Variants in COBL observed in about 807,000 individuals in gnomAD.
COBL encodes cordon-bleu WH2 repeat protein, also known as protein cordon-bleu.
COBL carries 51 observed loss-of-function variants against 98.8 expected under a neutral mutation model. That is an observed-to-expected ratio of 0.52 (90% CI 0.41 to 0.65). The LOEUF (loss-of-function observed/expected upper bound fraction) is 0.65, where lower values mean the gene tolerates loss of function less well. Among genes scored for constraint, COBL ranks in the 30% least tolerant of loss-of-function variants. The pLI is 0.00. For missense variants in COBL, 1,617 were observed against 1,617.5 expected (o/e 1.00, Z 0.01); for synonymous variants, 634 against 651.7 (o/e 0.97, Z 0.41).
intron 1 of COBL, among the ~76,000 whole-genome samples, chr7:51,243,918 A>T (rs1288060423): frequency 1.3e-5 from 2 of 152,176 alleles, no homozygotes; most frequent in Non-Finnish European, 1.5e-5. Context: ...CAGATGACAC[A>T]ACCACGGGGA....
chr7:51,059,087 C>T (rs1398379089), intron 7 of COBL, among the ~76,000 whole-genome samples: 1 of 152,222 alleles, frequency 6.6e-6, no homozygotes, highest in Non-Finnish European at 1.5e-5. Flanking sequence ...TGGCTTCTAC[C>T]TTGCCCCCTG....
chr7:51,246,229 G>A lies in COBL; in HGVS notation c.42-26285C>T, dbSNP rs138906750. On this transcript the variant is annotated intron_variant, in intron 1 of 12. Transcript: ENST00000265136. ...AGACAAAAGACTCTATGAAGAAGAT[G>A]GCATTTTCTTGTATAATTTGGACCA... is the stretch of plus-strand genomic sequence containing the variant. Among the ~76,000 whole-genome samples the A allele has an allele frequency of 1.5e-3, 228 of 152,298 alleles. 1 individual carries two copies. The highest frequency in any genetic ancestry group is 3.7e-3 in the African/African-American group (152 of 41,564).
chr7:51,135,709 C>T (rs1226941563), intron 6 of COBL, among the ~76,000 whole-genome samples: 1 of 152,182 alleles, frequency 6.6e-6, no homozygotes, highest in Non-Finnish European at 1.5e-5. Flanking sequence ...GGCCACATGA[C>T]ACATGCGGCA....
chr7:51,127,438 T>C (rs1421606217), intron 6 of COBL, among the ~76,000 whole-genome samples: 1 of 152,208 alleles, frequency 6.6e-6, no homozygotes, highest in African/African-American at 2.4e-5. Context: ...AAGAGTATTT[T>C]TCCCTCTGCT....
chr7:51,105,021 G>A (rs1471409052), intron 6 of COBL, among the ~76,000 whole-genome samples: 1 of 151,970 alleles, frequency 6.6e-6, no homozygotes, highest in African/African-American at 2.4e-5. Flanking sequence ...GCAGGGAAGG[G>A]GACGGGGTAT....
In COBL at chr7:51,017,090, A is replaced by G. The variant is rs1234450427; in HGVS notation, c.*461T>C. On this transcript the variant is annotated 3_prime_UTR_variant, in exon 13 of 13. Transcript: ENST00000265136. The stretch of plus-strand genomic sequence containing the variant: ...CACACAGCATCATGGAGCATATCAC[A>G]TTCAGATTGTTCCATCTGATTCATA... 10 of 418,792 alleles carry G rather than the reference A, an allele frequency of 2.4e-5. No homozygotes were observed. The East Asian group carries it at 3.5e-4, about 14-fold the overall frequency. 25.9% of individuals were successfully genotyped at this position (418,792 alleles called of 1,614,324 possible).
At chr7:51,251,166 G>A (rs1796702426) in intron 1 of COBL, among the ~76,000 whole-genome samples, 2 of 152,152 alleles carry the variant, frequency 1.3e-5, no homozygotes, top group South Asian at 4.1e-4. Context: ...GAGGACCGGG[G>A]TCGAACCTGC....
intron 6 of COBL, among the ~76,000 whole-genome samples, chr7:51,124,260 T>C (rs1404673249): frequency 6.6e-6 from 1 of 152,180 alleles, no homozygotes; most frequent in Non-Finnish European, 1.5e-5. Context: ...GCTGTCTTCC[T>C]GCTGGCCAGT....
At chr7:51,093,434 G>C (rs1794993819) in intron 6 of COBL, among the ~76,000 whole-genome samples, 1 of 152,228 alleles carries the variant, frequency 6.6e-6, no homozygotes, top group Non-Finnish European at 1.5e-5. Context: ...TGGAAAATAT[G>C]TTGAAGGTTC....
intron 1 of COBL, among the ~76,000 whole-genome samples, chr7:51,230,281 A>G (rs1794623108): frequency 6.6e-6 from 1 of 151,894 alleles, no homozygotes. Context: ...CCCAATGAAG[A>G]GCTCTCCGGG....
chr7:51,309,160 C>T (rs1452238359), intron 1 of COBL, among the ~76,000 whole-genome samples: 1 of 152,126 alleles, frequency 6.6e-6, no homozygotes, highest in African/African-American at 2.4e-5. Context: ...TCTGATCCCC[C>T]CTGCCTCCAA....
At chr7:51,220,745 G>C (rs1399805709) in intron 1 of COBL, among the ~76,000 whole-genome samples, 2 of 152,066 alleles carry the variant, frequency 1.3e-5, no homozygotes, top group Non-Finnish European at 2.9e-5. Context: ...CCCAGGTAGT[G>C]AGCACAGTAC....
At chr7:51,155,716 G>A (rs958167977) in intron 5 of COBL, among the ~76,000 whole-genome samples, 2 of 151,890 alleles carry the variant, frequency 1.3e-5, no homozygotes, top group Non-Finnish European at 2.9e-5. Context: ...CTACACCTAT[G>A]GGGTAGTGTG....
At chr7:51,195,014 T>C (rs1484770132) in intron 2 of COBL, among the ~76,000 whole-genome samples, 1 of 152,196 alleles carries the variant, frequency 6.6e-6, no homozygotes, top group East Asian at 1.9e-4. Flanking sequence ...AGAAGCTCTG[T>C]AGTTTAATTA....
intron 1 of COBL, among the ~76,000 whole-genome samples, chr7:51,225,840 T>C (rs1434644177): frequency 6.6e-6 from 1 of 152,038 alleles, no homozygotes; most frequent in Non-Finnish European, 1.5e-5. Flanking sequence ...GGGTCTTAGG[T>C]GACATGGTGC....
At chr7:51,122,299 G>A (rs1036160155) in intron 6 of COBL, among the ~76,000 whole-genome samples, 1 of 152,180 alleles carries the variant, frequency 6.6e-6, no homozygotes, top group African/African-American at 2.4e-5. Context: ...CACCAAGGAG[G>A]ATCCTTGCAG....
At chr7:51,298,201 T>G (rs1313115418) in intron 1 of COBL, among the ~76,000 whole-genome samples, 1 of 152,202 alleles carries the variant, frequency 6.6e-6, no homozygotes, top group Non-Finnish European at 1.5e-5. Flanking sequence ...CTGACAAAAG[T>G]TGGCAAAAAC....
chr7:51,231,484 T>C (rs1306384243), intron 1 of COBL, among the ~76,000 whole-genome samples: 2 of 152,212 alleles, frequency 1.3e-5, no homozygotes, highest in African/African-American at 4.8e-5. Context: ...GACATGGAGC[T>C]GCAGAACTGC....
At chr7:51,273,873 T>C (rs1294772623) in intron 1 of COBL, among the ~76,000 whole-genome samples, 2 of 152,196 alleles carry the variant, frequency 1.3e-5, no homozygotes, top group African/African-American at 4.8e-5. Flanking sequence ...TGTTTATATT[T>C]TGAAGTGTCA....
Sources: gnomAD v4.1 joint callset for allele counts (sites outside exome capture counted in the v4.1 genomes callset) on GRCh38, gnomAD v4.1.1 for gene constraint, MANE v1.5 for transcripts, NCBI Gene and HGNC (gene_info 2026-07-23, HGNC 2026-07-21) for gene names.